PCDHGA5: variants seen among roughly 807,000 people sequenced by gnomAD.
The protein encoded by PCDHGA5 is protocadherin gamma subfamily A, 5, also known as protocadherin gamma-A5.
Under a neutral mutation model 56.7 loss-of-function variants are expected in PCDHGA5, and 36 were observed. The observed-to-expected ratio is 0.64, with a 90% CI of 0.49 to 0.84. The LOEUF (loss-of-function observed/expected upper bound fraction) is 0.84. Among genes scored for constraint, PCDHGA5 ranks in the 40% least tolerant of loss-of-function variants. PCDHGA5 has a pLI of 0.00. For missense variants in PCDHGA5, 1,305 were observed against 1,201.5 expected (o/e 1.09, Z -1.27); for synonymous variants, 563 against 520.2 (o/e 1.08, Z -1.12).
intron 1 of PCDHGA5, chr5:141,395,373 G>C: frequency 8.4e-7 from 1 of 1,189,414 alleles, no homozygotes; most frequent in Non-Finnish European, 1.1e-6. Context: ...TATTTTGGTG[G>C]TGTTACTATA....
At chr5:141,380,929 C>T (rs1385655578) in intron 1 of PCDHGA5, among the ~76,000 whole-genome samples, 1 of 152,234 alleles carries the variant, frequency 6.6e-6, no homozygotes, top group East Asian at 1.9e-4. Flanking sequence ...AATAATCATA[C>T]ACTTTGCTTG....
rs566565641 is a variant in PCDHGA5, at chr5:141,367,114, T to C, written c.2421+363T>C. The C allele has an allele frequency of 8.2e-5, 18 of 220,652 alleles. 1 individual carries two copies. Among genetic ancestry groups the C allele is most frequent in the Non-Finnish European group, 1.4e-4 (16 of 111,388 alleles). 13.7% of individuals were successfully genotyped at this position (220,652 alleles called of 1,614,324 possible). A position where few individuals can be genotyped will look rare whatever the true frequency, so the allele number is the denominator to read the frequency against. ...CTTTTGAGTGTCTGCCTAGACACCA[T>C]TAGTGAATGTGTTTTGGAAAGGATA... On this transcript the variant is annotated intron_variant, in intron 1 of 3. Coordinates refer to ENST00000518069, the MANE Select transcript of PCDHGA5 (RefSeq NM_018918.3).
At position 141,431,134 on chromosome 5, in the gene PCDHGA5, C is replaced by T; in HGVS notation, c.2422-63673C>T. 1 of 1,614,212 alleles carries T rather than the reference C, an allele frequency of 6.2e-7. No homozygotes were observed. The highest frequency in any genetic ancestry group is 2.2e-5 in the East Asian group (1 of 44,890). On this transcript the variant is annotated intron_variant, in intron 1 of 3. Coordinates refer to ENST00000518069, the MANE Select transcript of PCDHGA5 (RefSeq NM_018918.3). This position sits in a 1 kb window ranked among gnomAD's most constrained non-coding sequence, Gnocchi z 4.8. ...ATGGAGTAGAAGTAGAAGTAAGGGA[C>T]ATTAACGACAATGCGCCTTACTTTC...
intron 1 of PCDHGA5, chr5:141,423,835 C>T (rs1371309974): frequency 1.2e-5 from 15 of 1,278,290 alleles, no homozygotes; most frequent in African/African-American, 9.4e-5. Flanking sequence ...CATGAGATTA[C>T]GATAATCTTT....
Position 141,491,713 on chromosome 5 carries a change from G to T in PCDHGA5, c.2422-3094G>T. The T allele has an allele frequency of 6.2e-7, 1 of 1,609,174 alleles. No individual in the cohort carries two copies. The highest frequency in any genetic ancestry group is 8.5e-7 in the Non-Finnish European group (1 of 1,178,054). On this transcript the variant is annotated intron_variant, in intron 1 of 3. Transcript: ENST00000518069. The surrounding 1 kb of genome is among the most constrained non-coding windows in gnomAD (Gnocchi z 6.9). ...GGAGCGGAGCCAGGTGAGGGGCTCG[G>T]CGCCGCCCCGGGCGACCCCTGGGGG...
rs909444391 is a variant in PCDHGA5 at position 141,450,834 on chromosome 5, T to A, written c.2422-43973T>A. On this transcript the variant is annotated intron_variant, in intron 1 of 3. Transcript: ENST00000518069. ...TATTTAATATTATTATTATTATTTT[T>A]TTTTTTTTGAGATGGGGTCTTGCTC... is the stretch of plus-strand genomic sequence containing the variant. 1.2e-3 allele frequency among the ~76,000 whole-genome samples: 172 copies of A among 148,764 alleles called. 3 individuals are homozygous for A. The highest frequency in any genetic ancestry group is 4.1e-3 in the African/African-American group (166 of 40,236).
chr5:141,478,272 A>T, intron 1 of PCDHGA5: 7 of 1,614,160 alleles, frequency 4.3e-6, no homozygotes, highest in Non-Finnish European at 5.9e-6. Context: ...AAAGTTTACA[A>T]GTGGAAGCAG....
intron 1 of PCDHGA5, chr5:141,399,528 C>A: frequency 6.2e-7 from 1 of 1,614,046 alleles, no homozygotes; most frequent in Non-Finnish European, 8.5e-7. Flanking sequence ...GGGCCTCCAT[C>A]GCGCAAGTCT....
In PCDHGA5 at chr5:141,477,857, C is replaced by A. The variant is rs548674958; in HGVS notation, c.2422-16950C>A. On this transcript the variant is annotated intron_variant, in intron 1 of 3. Transcript: ENST00000518069. The surrounding 1 kb of genome is among the most constrained non-coding windows in gnomAD (Gnocchi z 4.9). ...AGGTGGGAGCTCGGTGGAGATGCTG[C>A]CTCGAGGTACCTCAGCTGGCCACCT... 2.9e-5 allele frequency: 47 copies of A among 1,613,454 alleles called. No individual in the cohort carries two copies. In the South Asian group the frequency reaches 4.9e-4, roughly 17 times the overall value.
intron 1 of PCDHGA5, chr5:141,388,359 G>T: frequency 6.2e-7 from 1 of 1,614,026 alleles, no homozygotes; most frequent in South Asian, 1.1e-5. Flanking sequence ...ATCTGCCCAT[G>T]ATGCGGATAT....
intron 1 of PCDHGA5, chr5:141,427,962 G>C (rs767684725): frequency 5.0e-6 from 8 of 1,589,982 alleles, no homozygotes; most frequent in Non-Finnish European, 6.9e-6. Flanking sequence ...TGTGCCGCGG[G>C]TGCTGTACCC....
intron 1 of PCDHGA5, chr5:141,423,450 T>G (rs571358720): frequency 1.2e-6 from 2 of 1,614,050 alleles, no homozygotes; most frequent in East Asian, 4.5e-5. Flanking sequence ...CGTCACATTT[T>G]GTAGGCGTGG....
chr5:141,372,811 TGA>T (rs1193015568), intron 1 of PCDHGA5: 2 of 1,586,454 alleles, frequency 1.3e-6, no homozygotes, highest in Admixed American at 1.8e-5. Flanking sequence ...TTGCAAAAGG[TGA>T]GTTTCTTCAA....
Position 141,491,620 on chromosome 5 carries a change from A to C in PCDHGA5, c.2422-3187A>C. On this transcript the variant is annotated intron_variant, in intron 1 of 3. Coordinates refer to ENST00000518069, the MANE Select transcript of PCDHGA5 (RefSeq NM_018918.3). This position sits in a 1 kb window ranked among gnomAD's most constrained non-coding sequence, Gnocchi z 6.9. ...TGACTTCACTTTTCTAAGACCCCTC[A>C]GCGTTCAGCAGCCCACAGCTCTGGC... is the stretch of plus-strand genomic sequence containing the variant. 6.2e-7 allele frequency: 1 copy of C among 1,613,906 alleles called. No individual in the cohort carries two copies. The highest frequency in any genetic ancestry group is 1.1e-5 in the South Asian group (1 of 91,084).
At chr5:141,394,547 G>T (rs771070854) in intron 1 of PCDHGA5, 6 of 1,614,098 alleles carry the variant, frequency 3.7e-6, no homozygotes, top group East Asian at 2.2e-5. Context: ...TGGAGCTGGC[G>T]CCCCGCTCCG....
chr5:141,509,550 T>C (rs1562240751), intron 3 of PCDHGA5, among the ~76,000 whole-genome samples: 1 of 152,142 alleles, frequency 6.6e-6, no homozygotes, highest in Non-Finnish European at 1.5e-5. Flanking sequence ...TCTCATTTAG[T>C]CCTCACAGCA....
chr5:141,480,371 C>T (rs1562080299), intron 1 of PCDHGA5, among the ~76,000 whole-genome samples: 1 of 151,908 alleles, frequency 6.6e-6, no homozygotes, highest in African/African-American at 2.4e-5. Flanking sequence ...GCTGTGATTG[C>T]ACCACTACAC....
chr5:141,399,543 C>T (rs2093831494), intron 1 of PCDHGA5: 3 of 1,614,042 alleles, frequency 1.9e-6, no homozygotes, highest in Non-Finnish European at 2.5e-6. Flanking sequence ...AAGTCTGCGC[C>T]TCGGACCTGG....
chr5:141,508,824 G>A (rs893436748), intron 3 of PCDHGA5, among the ~76,000 whole-genome samples: 9 of 151,952 alleles, frequency 5.9e-5, no homozygotes, highest in Admixed American at 3.3e-4. Flanking sequence ...CCAGATCTGG[G>A]CCCCCCTCCC....
Sources: allele counts gnomAD v4.1 joint callset (sites outside exome capture counted in the v4.1 genomes callset), GRCh38; gene constraint gnomAD v4.1.1; non-coding constraint Gnocchi (gnomAD v3.1); transcripts MANE v1.5; gene names NCBI Gene and HGNC (gene_info 2026-07-23, HGNC 2026-07-21).